MYO1B: variants seen among roughly 807,000 people sequenced by gnomAD.
MYO1B encodes the protein unconventional myosin-Ib.
In MYO1B, 72 loss-of-function variants were observed where a neutral mutation model predicts 159.7. The observed-to-expected ratio is 0.45, with a 90% confidence interval of 0.37 to 0.55. The LOEUF (loss-of-function observed/expected upper bound fraction) is 0.55. Ranked by LOEUF, MYO1B falls within the 20% of genes least tolerant of loss-of-function variation. The probability of loss-of-function intolerance (pLI) is 0.00; values close to 1 mark genes in which losing one functional copy is unlikely to be tolerated. For synonymous variants in MYO1B, 468 were observed against 473.8 expected (o/e 0.99, Z 0.16); for missense variants, 1,062 against 1,364.8 (o/e 0.78, Z 3.50).
At chr2:191,314,469 C>T (rs1335474892) in intron 3 of MYO1B, among the ~76,000 whole-genome samples, 1 of 152,142 alleles carries the variant, frequency 6.6e-6, no homozygotes, top group East Asian at 1.9e-4. Flanking sequence ...TACTGATTTT[C>T]TTGGAACCAA....
At chr2:191,296,926 G>C (rs1689016840) in intron 3 of MYO1B, among the ~76,000 whole-genome samples, 1 of 152,162 alleles carries the variant, frequency 6.6e-6, no homozygotes, top group African/African-American at 2.4e-5. Context: ...CCTGGATTTG[G>C]TAGATCCGTG....
chr2:191,284,271 A>C (rs144212709), intron 2 of MYO1B, among the ~76,000 whole-genome samples: 1 of 152,240 alleles, frequency 6.6e-6, no homozygotes, highest in African/African-American at 2.4e-5. Flanking sequence ...TTGTATATCC[A>C]TAGTGCAGAA....
At chr2:191,369,725 A>T in intron 12 of MYO1B, 97 bp downstream of exon 12, 1 of 864,850 alleles carries the variant, frequency 1.2e-6, no homozygotes, top group Non-Finnish European at 1.9e-6. Flanking sequence ...CAAATAATTG[A>T]TTGCCACTTA....
chr2:191,247,438 G>A (rs1469316109), intron 1 of MYO1B, among the ~76,000 whole-genome samples: 1 of 152,202 alleles, frequency 6.6e-6, no homozygotes, highest in Non-Finnish European at 1.5e-5. Flanking sequence ...ATAAGCTACT[G>A]CTGAGGGTTT....
chr2:191,314,883 A>G (rs987707936), intron 3 of MYO1B, among the ~76,000 whole-genome samples: 7 of 152,194 alleles, frequency 4.6e-5, no homozygotes, highest in African/African-American at 7.2e-5. Context: ...TCCTATTTCC[A>G]TAATATGAGT....
At chr2:191,315,193 A>G (rs1690272193) in intron 3 of MYO1B, among the ~76,000 whole-genome samples, 1 of 151,272 alleles carries the variant, frequency 6.6e-6, no homozygotes. Flanking sequence ...CCATCCATCC[A>G]CCCATCCATC....
intron 19 of MYO1B, 105 bp downstream of exon 19, chr2:191,392,306 TGC>T: frequency 1.4e-6 from 1 of 738,322 alleles, no homozygotes. Context: ...CCACCATGAA[TGC>T]CACAAAACAC....
At chr2:191,245,686 C>G (rs1050637935) in intron 1 of MYO1B, 60 bp downstream of exon 1, 1 of 152,242 alleles carries the variant, frequency 6.6e-6, no homozygotes, top group Admixed American at 6.5e-5. Flanking sequence ...GTCGTCGGCC[C>G]CCGAGGCGCC....
At chr2:191,248,751 G>A (rs1685939714) in intron 1 of MYO1B, among the ~76,000 whole-genome samples, 1 of 152,200 alleles carries the variant, frequency 6.6e-6, no homozygotes, top group Non-Finnish European at 1.5e-5. Flanking sequence ...GTGGAAGTGC[G>A]ATTGGGGATC....
intron 3 of MYO1B, among the ~76,000 whole-genome samples, chr2:191,311,091 A>G (rs1232906694): frequency 2.0e-5 from 3 of 152,192 alleles, no homozygotes; most frequent in African/African-American, 7.2e-5. Flanking sequence ...TGTTCATTGG[A>G]TGCATAGGTG....
intron 1 of MYO1B, among the ~76,000 whole-genome samples, chr2:191,251,573 G>A (rs1377857016): frequency 6.6e-6 from 1 of 152,110 alleles, no homozygotes; most frequent in Non-Finnish European, 1.5e-5. Context: ...ATTCTTCCTG[G>A]ACTCAAGATG....
At chr2:191,251,972 G>A (rs1686151842) in intron 1 of MYO1B, among the ~76,000 whole-genome samples, 1 of 152,100 alleles carries the variant, frequency 6.6e-6, no homozygotes, top group African/African-American at 2.4e-5. Context: ...ATCCTGAATT[G>A]CTATTTGTGA....
chr2:191,404,972 T>C (rs1056664775), intron 24 of MYO1B, among the ~76,000 whole-genome samples: 2 of 152,234 alleles, frequency 1.3e-5, no homozygotes, highest in Non-Finnish European at 2.9e-5. Flanking sequence ...ATAGATTGAC[T>C]TCCTTTCCTG....
intron 30 of MYO1B, among the ~76,000 whole-genome samples, chr2:191,419,595 G>C (rs1255561817): frequency 6.6e-6 from 1 of 152,132 alleles, no homozygotes; most frequent in Non-Finnish European, 1.5e-5. Flanking sequence ...GCCTCGGGCA[G>C]GTCCTTAAGG....
At chr2:191,390,563 TG>T in intron 18 of MYO1B, 71 bp downstream of exon 18, 2 of 1,466,804 alleles carry the variant, frequency 1.4e-6, no homozygotes, top group Non-Finnish European at 1.8e-6. Context: ...TTTTTTCACA[TG>T]CTGTTAGATA....
intron 1 of MYO1B, among the ~76,000 whole-genome samples, chr2:191,247,802 T>G (rs1281261109): frequency 6.6e-6 from 1 of 152,270 alleles, no homozygotes; most frequent in African/African-American, 2.4e-5. Context: ...AGCAGAATCC[T>G]AAGTGGCTGG....
rs1574599555 is a variant in MYO1B at position 191,396,583 on chromosome 2, G to A, written c.2295+86G>A. The stretch of plus-strand genomic sequence containing the variant: ...ATGTCTTTAGGGTCACCCTGCAGAG[G>A]AGGGGCTCCTCTGTCTCCTGCCTCG... On this transcript the variant is annotated intron_variant, in intron 21 of 30. Transcript: ENST00000392318. The A allele has an allele frequency of 1.6e-5, 21 of 1,325,984 alleles. No individual in the cohort carries two copies. In the East Asian group the frequency reaches 4.8e-4, roughly 31 times the overall value. The allele number at this position is 1,325,984 out of a possible 1,614,324, so 82.1% of individuals were successfully genotyped here.
chr2:191,383,244 T>C (rs745584001), intron 14 of MYO1B, 36 bp from the exon 15 acceptor site: 2 of 1,372,814 alleles, frequency 1.5e-6, no homozygotes, highest in Admixed American at 4.0e-5. Flanking sequence ...TGGCTTCATC[T>C]TGTGTCATTG....
chr2:191,362,504 T>C (rs12988758), intron 9 of MYO1B, 133 bp downstream of exon 9: 148,933 of 554,896 alleles, frequency 0.27, 22,174 homozygotes, highest in South Asian at 0.43. Flanking sequence ...ACAAGAATTC[T>C]ATTTTTGTTA....
Sources: allele counts gnomAD v4.1 joint callset (sites outside exome capture counted in the v4.1 genomes callset), GRCh38; gene constraint gnomAD v4.1.1; transcripts MANE v1.5; gene names NCBI Gene and HGNC (gene_info 2026-07-23, HGNC 2026-07-21).